ALK: variants seen among roughly 807,000 people sequenced by gnomAD.
The protein encoded by ALK is ALK tyrosine kinase receptor.
A neutral mutation model predicts 163.1 loss-of-function variants in ALK; 74 were observed. That is an observed-to-expected ratio of 0.45 (90% confidence interval 0.38 to 0.55). The LOEUF is 0.55. ALK is among the 20% of genes least tolerant of loss of function. ALK has a pLI of 0.00. For missense variants in ALK, 2,063 were observed against 2,105.3 expected (o/e 0.98, Z 0.39); for synonymous variants, 960 against 843.2 (o/e 1.14, Z -2.40).
intron 1 of ALK, among the ~76,000 whole-genome samples, chr2:29,838,222 T>C (rs1224325372): frequency 6.6e-6 from 1 of 152,080 alleles, no homozygotes; most frequent in African/African-American, 2.4e-5. Context: ...CAGTGATCTA[T>C]GGAAAAATAT....
intron 1 of ALK, among the ~76,000 whole-genome samples, chr2:29,848,879 G>A (rs998871650): frequency 1.3e-5 from 2 of 152,210 alleles, no homozygotes; most frequent in African/African-American, 4.8e-5. Context: ...CCCAACAGCA[G>A]CAAAGCTGCA....
At chr2:29,460,789 C>A (rs1420975536) in intron 4 of ALK, among the ~76,000 whole-genome samples, 3 of 152,074 alleles carry the variant, frequency 2.0e-5, no homozygotes, top group African/African-American at 7.2e-5. Flanking sequence ...CCTACAATGG[C>A]CTCTAAGTGT....
chr2:29,520,034 T>C (rs1672771351), intron 4 of ALK, among the ~76,000 whole-genome samples: 1 of 152,220 alleles, frequency 6.6e-6, no homozygotes, highest in African/African-American at 2.4e-5. Context: ...GGAAAATTAC[T>C]AAGTAGAAGT....
In ALK at chr2:29,878,330, C is replaced by T. The variant is rs546580919; in HGVS notation, c.667+41663G>A. On this transcript the variant is annotated intron_variant, in intron 1 of 28. Coordinates refer to ENST00000389048, the MANE Select transcript of ALK (RefSeq NM_004304.5). ...TCTCTAGGAGGTTGATTGAAAATAACGAAAACTATTATAAGCCAAGCCTGT... is the reference window on the plus strand; with the variant it reads ...TCTCTAGGAGGTTGATTGAAAATAATGAAAACTATTATAAGCCAAGCCTGT... 3.9e-5 allele frequency among the ~76,000 whole-genome samples: 6 copies of T among 152,224 alleles called. No homozygotes were observed. In the South Asian group the frequency reaches 6.2e-4, roughly 16 times the overall value.
intron 1 of ALK, among the ~76,000 whole-genome samples, chr2:29,774,031 G>A (rs1681102827): frequency 6.6e-6 from 1 of 152,212 alleles, no homozygotes; most frequent in South Asian, 2.1e-4. Context: ...GATGCTCAGA[G>A]CTGTTGCAGG....
intron 9 of ALK, among the ~76,000 whole-genome samples, chr2:29,282,975 G>A (rs1287867934): frequency 6.6e-6 from 1 of 152,104 alleles, no homozygotes; most frequent in African/African-American, 2.4e-5. Context: ...TTTCATTCTC[G>A]AAATCTGTGT....
chr2:29,552,421 C>T (rs955140934), intron 3 of ALK, among the ~76,000 whole-genome samples: 2 of 152,098 alleles, frequency 1.3e-5, no homozygotes, highest in African/African-American at 4.8e-5. Flanking sequence ...TGAGGAGCCA[C>T]CAGACTGTTT....
In ALK at chr2:29,815,779, C is replaced by T. The variant is rs13430942; in HGVS notation, c.668-98082G>A. Among the ~76,000 whole-genome samples, 910 of 152,288 alleles carry T rather than the reference C, an allele frequency of 6.0e-3. 20 individuals carry two copies. Among genetic ancestry groups the T allele is most frequent in the African/African-American group, 0.021 (872 of 41,564 alleles). On this transcript the variant is annotated intron_variant, in intron 1 of 28. Coordinates refer to ENST00000389048, the MANE Select transcript of ALK (RefSeq NM_004304.5). Reference sequence around the variant, plus strand: ...GTCCTCCAACTTCTGCTACCTGATGCGCCCCTGAGACACTGACCCAAAACT... The same window carrying T: ...GTCCTCCAACTTCTGCTACCTGATGTGCCCCTGAGACACTGACCCAAAACT...
intron 9 of ALK, among the ~76,000 whole-genome samples, chr2:29,294,931 T>C (rs895055213): frequency 6.6e-6 from 1 of 152,196 alleles, no homozygotes; most frequent in Non-Finnish European, 1.5e-5. Context: ...GAATGAAAAC[T>C]GCTGCACTTC....
chr2:29,413,352 CT>C (rs58893508), intron 4 of ALK, among the ~76,000 whole-genome samples: 145 of 145,222 alleles, frequency 1.0e-3, no homozygotes, highest in Admixed American at 1.5e-3. Flanking sequence ...TACTTGTTAT[CT>C]TTTTTTTTTT....
chr2:29,387,879 C>T (rs116737394), intron 4 of ALK, among the ~76,000 whole-genome samples: 2,017 of 152,224 alleles, frequency 0.013, 50 homozygotes, highest in African/African-American at 0.043. Flanking sequence ...ATTATTGCTC[C>T]AAGACTGCAA....
chr2:29,323,347 T>C (rs926184392), intron 6 of ALK, among the ~76,000 whole-genome samples: 1 of 152,200 alleles, frequency 6.6e-6, no homozygotes, highest in Non-Finnish European at 1.5e-5. Flanking sequence ...GAAATGCTTG[T>C]TGGAGGCTGC....
intron 23 of ALK, among the ~76,000 whole-genome samples, chr2:29,219,795 A>G (rs2148165308): frequency 6.6e-6 from 1 of 152,358 alleles, no homozygotes; most frequent in African/African-American, 2.4e-5. Context: ...ACGGGTGTCT[A>G]ATGGCCAAGT....
chr2:29,645,366 A>G (rs1676841701), intron 3 of ALK, among the ~76,000 whole-genome samples: 1 of 152,150 alleles, frequency 6.6e-6, no homozygotes. Context: ...GTTGTTTTCA[A>G]CAGGAAACAA....
intron 5 of ALK, among the ~76,000 whole-genome samples, chr2:29,362,887 G>A (rs540475757): frequency 9.2e-5 from 14 of 152,212 alleles, no homozygotes; most frequent in Non-Finnish European, 1.6e-4. Flanking sequence ...TGAATGAAAT[G>A]CAAGGCATAT....
At chr2:29,820,257 C>G (rs1665012503) in intron 1 of ALK, among the ~76,000 whole-genome samples, 1 of 152,170 alleles carries the variant, frequency 6.6e-6, no homozygotes, top group South Asian at 2.1e-4. Context: ...GTTAAGCAGC[C>G]TTATGGAGAA....
Position 29,553,132 on chromosome 2 carries a change from T to A in ALK, c.953-21016A>T, listed in dbSNP as rs1184800834. On this transcript the variant is annotated intron_variant, in intron 3 of 28. Coordinates refer to ENST00000389048, the MANE Select transcript of ALK (RefSeq NM_004304.5). ...TCCAAAACTCATGTTGAAACTTTATTTCCATTGTGGTGGTATTAAGAGAGG... is the reference window on the plus strand; with the variant it reads ...TCCAAAACTCATGTTGAAACTTTATATCCATTGTGGTGGTATTAAGAGAGG... Among the ~76,000 whole-genome samples, 3 of 152,334 alleles carry A rather than the reference T, an allele frequency of 2.0e-5. No homozygotes were observed. In the East Asian group the frequency reaches 5.8e-4, roughly 29 times the overall value.
chr2:29,499,192 C>A (rs926917134), intron 4 of ALK, among the ~76,000 whole-genome samples: 1 of 151,968 alleles, frequency 6.6e-6, no homozygotes, highest in Admixed American at 6.6e-5. Flanking sequence ...CTTGAGGGTC[C>A]TTCTCCAGGG....
intron 11 of ALK, among the ~76,000 whole-genome samples, chr2:29,260,853 A>AC (rs923828576): frequency 9.2e-5 from 14 of 151,592 alleles, no homozygotes; most frequent in Admixed American, 4.6e-4. Context: ...ACAAAACAAA[A>AC]AAAAAAACAA....
Sources: gnomAD v4.1 joint callset for allele counts (sites outside exome capture counted in the v4.1 genomes callset) on GRCh38, gnomAD v4.1.1 for gene constraint, MANE v1.5 for transcripts, NCBI Gene and HGNC (gene_info 2026-07-23, HGNC 2026-07-21) for gene names.